NCKAP5: variants seen among roughly 807,000 people sequenced by gnomAD.
NCKAP5 encodes NCK associated protein 5, also known as nck-associated protein 5.
NCKAP5 carries 92 observed loss-of-function variants against 167.0 expected under a neutral mutation model. The observed-to-expected ratio is 0.55, with a 90% CI of 0.47 to 0.66. NCKAP5 has a LOEUF of 0.66. NCKAP5 is among the 30% of genes least tolerant of loss of function. The pLI is 0.00. For synonymous variants in NCKAP5, 891 were observed against 877.4 expected (o/e 1.02, Z -0.27); for missense variants, 2,378 against 2,315.0 (o/e 1.03, Z -0.56).
intron 12 of NCKAP5, among the ~76,000 whole-genome samples, chr2:132,794,326 A>G (rs1226643968): frequency 5.6e-5 from 8 of 142,618 alleles, no homozygotes; most frequent in Non-Finnish European, 1.1e-4. Context: ...GAAGAGAGAG[A>G]GAAAGAGAGA....
intron 19 of NCKAP5, among the ~76,000 whole-genome samples, chr2:132,682,119 A>T (rs1200918659): frequency 1.3e-5 from 2 of 151,762 alleles, no homozygotes; most frequent in Non-Finnish European, 2.9e-5. Flanking sequence ...AAAAAGAAGA[A>T]TTTTTTTTTG....
At chr2:132,925,537 G>A (rs1695803843) in intron 8 of NCKAP5, among the ~76,000 whole-genome samples, 1 of 149,022 alleles carries the variant, frequency 6.7e-6, no homozygotes, top group Admixed American at 6.8e-5. Context: ...ACTCCAGCCT[G>A]GGTGATAGAG....
At chr2:132,953,981 C>T (rs2076270412) in intron 8 of NCKAP5, among the ~76,000 whole-genome samples, 1 of 152,118 alleles carries the variant, frequency 6.6e-6, no homozygotes, top group African/African-American at 2.4e-5. Flanking sequence ...ATAGAAAAGG[C>T]CTGCCTGAGA....
chr2:133,671,244 G>C, the NCKAP5 span, among the ~76,000 whole-genome samples: 18 of 136,668 alleles, frequency 1.3e-4, no homozygotes, highest in African/African-American at 4.7e-4. Context: ...AAAAAAGAAA[G>C]AAACAAAGAT....
At chr2:133,649,848 AGC>A in the NCKAP5 span, among the ~76,000 whole-genome samples, 1 of 152,166 alleles carries the variant, frequency 6.6e-6, no homozygotes, top group African/African-American at 2.4e-5. Context: ...ACTTAGTACT[AGC>A]CAGAGTAATT....
intron 6 of NCKAP5, 75 bp from the exon 7 acceptor site, chr2:132,994,314 C>T: frequency 2.9e-6 from 3 of 1,038,806 alleles, no homozygotes; most frequent in Non-Finnish European, 4.2e-6. Context: ...TTGTAGAAAT[C>T]ACTCTTCTAT....
chr2:133,406,951 GT>G (rs1688478308), intron 3 of NCKAP5, among the ~76,000 whole-genome samples: 1 of 151,432 alleles, frequency 6.6e-6, no homozygotes, highest in South Asian at 2.1e-4. Context: ...GGTTAGCACA[GT>G]TTTTAATATG....
At chr2:133,319,461 T>TC (rs1681874824) in intron 3 of NCKAP5, among the ~76,000 whole-genome samples, 1 of 151,446 alleles carries the variant, frequency 6.6e-6, no homozygotes. Flanking sequence ...GATGTTACCT[T>TC]TTTTTTTAAG....
rs527705526 is a variant in NCKAP5, at chr2:133,236,070, C to CAAAAAAAAAAAAAAAA, written c.144-22307_144-22292dup. ...GACAAATCAAGACCCTGTCTCAGAC[C>CAAAAAAAAAAAAAAAA]AAAAAAAAAAAAAAAAAAAAAAAAA... On this transcript the variant is annotated intron_variant, in intron 4 of 19. Coordinates refer to ENST00000409261, the MANE Select transcript of NCKAP5 (RefSeq NM_207363.3). Among the ~76,000 whole-genome samples the CAAAAAAAAAAAAAAAA allele has an allele frequency of 9.6e-4, 15 of 15,674 alleles. 2 individuals are homozygous for CAAAAAAAAAAAAAAAA. Among genetic ancestry groups the CAAAAAAAAAAAAAAAA allele is most frequent in the African/African-American group, 2.1e-3 (15 of 7,080 alleles). 10.3% of individuals were successfully genotyped at this position (15,674 alleles called of 152,430 possible).
chr2:132,703,835 C>T (rs1226832974), intron 19 of NCKAP5, among the ~76,000 whole-genome samples: 1 of 152,166 alleles, frequency 6.6e-6, no homozygotes, highest in African/African-American at 2.4e-5. Flanking sequence ...TTTATTTATA[C>T]ATATTTCATA....
intron 4 of NCKAP5, among the ~76,000 whole-genome samples, chr2:133,253,642 C>A (rs2088467182): frequency 6.6e-6 from 1 of 152,136 alleles, no homozygotes. Context: ...AGCTTGAGTT[C>A]TGCCTTTTTC....
At chr2:133,522,122 G>A (rs930862202) in intron 2 of NCKAP5, among the ~76,000 whole-genome samples, 11 of 152,202 alleles carry the variant, frequency 7.2e-5, no homozygotes, top group Non-Finnish European at 1.2e-4. Context: ...GAGGAGATTA[G>A]AAGGCAATGG....
Position 132,751,294 on chromosome 2 carries a change from A to C in NCKAP5, c.5129-19243T>G, listed in dbSNP as rs534853184. ...TTCCTCTCTTCTTTCTTCTCTTGCC[A>C]TGTGGTGCCTGCTTCCCTTTGCCTT... On this transcript the variant is annotated intron_variant, in intron 16 of 19. Transcript: ENST00000409261. Among the ~76,000 whole-genome samples the C allele has an allele frequency of 1.9e-3, 292 of 152,162 alleles. 3 individuals are homozygous for C. The highest frequency in any genetic ancestry group is 6.8e-3 in the African/African-American group (281 of 41,516).
chr2:132,813,670 C>A (rs550623022), intron 11 of NCKAP5, among the ~76,000 whole-genome samples: 1 of 152,114 alleles, frequency 6.6e-6, no homozygotes, highest in Non-Finnish European at 1.5e-5. Flanking sequence ...CATACGTGGG[C>A]CCTGCTCTTG....
chr2:133,508,014 G>T (rs1490135232), intron 3 of NCKAP5, among the ~76,000 whole-genome samples: 2 of 152,154 alleles, frequency 1.3e-5, no homozygotes, highest in African/African-American at 4.8e-5. Context: ...GAGAAGAAAA[G>T]ATATGAAAAT....
intron 5 of NCKAP5, among the ~76,000 whole-genome samples, chr2:133,191,808 T>C (rs556148153): frequency 5.3e-5 from 8 of 152,082 alleles, no homozygotes; most frequent in East Asian, 1.9e-4. Flanking sequence ...TTAGGAGATA[T>C]ACCTAATGTA....
intron 6 of NCKAP5, among the ~76,000 whole-genome samples, chr2:133,092,620 T>C (rs1249335658): frequency 1.3e-5 from 2 of 152,218 alleles, no homozygotes; most frequent in Non-Finnish European, 2.9e-5. Context: ...CATTTTAACA[T>C]TGATGAGGAA....
intron 6 of NCKAP5, among the ~76,000 whole-genome samples, chr2:133,049,398 A>G (rs2079524177): frequency 6.6e-6 from 1 of 152,024 alleles, no homozygotes; most frequent in Admixed American, 6.6e-5. Context: ...CAAAAAAATT[A>G]GCCAGGCGTG....
chr2:133,231,765 A>G (rs2087159893), intron 4 of NCKAP5, among the ~76,000 whole-genome samples: 1 of 152,186 alleles, frequency 6.6e-6, no homozygotes, highest in South Asian at 2.1e-4. Context: ...TATTCTGCAC[A>G]CTTACCACTC....
Sources: gnomAD v4.1 joint callset for allele counts (sites outside exome capture counted in the v4.1 genomes callset) on GRCh38, gnomAD v4.1.1 for gene constraint, MANE v1.5 for transcripts, NCBI Gene and HGNC (gene_info 2026-07-23, HGNC 2026-07-21) for gene names.